Variants in CELF2 observed in about 807,000 individuals in gnomAD.
CELF2 encodes the protein CUG triplet repeat RNA-binding protein 2.
CELF2 carries 8 observed loss-of-function variants against 62.6 expected under a neutral mutation model. The observed-to-expected ratio is 0.13, with a 90% CI of 0.07 to 0.23. The LOEUF is 0.23. CELF2 is among the 10% of genes least tolerant of loss of function. The pLI, the probability that CELF2 is intolerant of heterozygous loss-of-function variation, is 1.00. For synonymous variants in CELF2, 258 were observed against 250.0 expected (o/e 1.03, Z -0.30); for missense variants, 333 against 671.0 (o/e 0.50, Z 5.56).
At chr10:10,862,160 A>G (rs113448606) in intron 1 of CELF2, among the ~76,000 whole-genome samples, 147 of 152,340 alleles carry the variant, frequency 9.6e-4, no homozygotes, top group African/African-American at 3.4e-3. Context: ...TAGAGGCCCT[A>G]ATGTTCATGT....
At position 11,285,165 on chromosome 10, in the gene CELF2, A is replaced by G. The variant is rs761938042; in HGVS notation, c.842-3253A>G. ...GTTGGATGGATGGATGGGCAGATAG[A>G]TGGACGAGCAAATATGGATCCGCCT... On this transcript the variant is annotated intron_variant, in intron 8 of 12. Coordinates refer to ENST00000633077, the MANE Select transcript of CELF2 (RefSeq NM_001326342.2). This position sits in a 1 kb window ranked among gnomAD's most constrained non-coding sequence, Gnocchi z 4.3. Among the ~76,000 whole-genome samples, 4 of 151,962 alleles carry G rather than the reference A, an allele frequency of 2.6e-5. No individual in the cohort carries two copies. Among genetic ancestry groups the G allele is most frequent in the Non-Finnish European group, 5.9e-5 (4 of 67,964 alleles).
At chr10:10,564,641 T>TACACACAC in the CELF2 span, among the ~76,000 whole-genome samples, 64 of 136,244 alleles carry the variant, frequency 4.7e-4, no homozygotes, top group African/African-American at 1.6e-3. Flanking sequence ...GTTAACTGAA[T>TACACACAC]ACACACACAC....
chr10:11,204,090 C>T (rs1389696082), intron 2 of CELF2, among the ~76,000 whole-genome samples: 55 of 152,202 alleles, frequency 3.6e-4, no homozygotes, highest in East Asian at 3.8e-4. Context: ...TTATCCCCTC[C>T]GCTTTCAAAA....
rs985311857 is a variant in CELF2 at position 11,305,441 on chromosome 10, T to C, written c.977-8698T>C. On this transcript the variant is annotated intron_variant, in intron 9 of 12. Coordinates refer to ENST00000633077, the MANE Select transcript of CELF2 (RefSeq NM_001326342.2). The surrounding 1 kb of genome is among the most constrained non-coding windows in gnomAD (Gnocchi z 4.8). ...CACTCTGGGCCTCTGCTTCCTCATC[T>C]TTCAAGCGCAGGAAAGACTCCAGTC... is the stretch of plus-strand genomic sequence containing the variant. Among the ~76,000 whole-genome samples the C allele has an allele frequency of 1.3e-5, 2 of 152,208 alleles. No homozygotes were observed. Among genetic ancestry groups the C allele is most frequent in the Admixed American group, 1.3e-4 (2 of 15,278 alleles).
In CELF2 at chr10:11,296,013, G is replaced by C. The variant is rs4317890; in HGVS notation, c.976+7461G>C. Reference sequence around the variant, plus strand: ...CCAATTTAAAGCTTAATAAAGCTGCGCAGCTTTGGGGGTAGAGATATTTAC... The same window carrying C: ...CCAATTTAAAGCTTAATAAAGCTGCCCAGCTTTGGGGGTAGAGATATTTAC... On this transcript the variant is annotated intron_variant, in intron 9 of 12. Coordinates refer to ENST00000633077, the MANE Select transcript of CELF2 (RefSeq NM_001326342.2). This position sits in a 1 kb window ranked among gnomAD's most constrained non-coding sequence, Gnocchi z 5.0. 1.3e-5 allele frequency among the ~76,000 whole-genome samples: 2 copies of C among 152,210 alleles called. No individual in the cohort carries two copies. The highest frequency in any genetic ancestry group is 3.9e-4 in the East Asian group (2 of 5,174).
the CELF2 span, among the ~76,000 whole-genome samples, chr10:10,702,509 A>T: frequency 1.8e-4 from 28 of 152,348 alleles, no homozygotes; most frequent in African/African-American, 6.5e-4. Context: ...CCTCCCACAA[A>T]TAAACAAGCA....
At chr10:10,590,157 G>GCACGCACACA in the CELF2 span, among the ~76,000 whole-genome samples, 1 of 151,594 alleles carries the variant, frequency 6.6e-6, no homozygotes, top group African/African-American at 2.4e-5. Flanking sequence ...GCACACATGT[G>GCACGCACACA]CATGCACACA....
At chr10:10,495,381 C>T in the CELF2 span, among the ~76,000 whole-genome samples, 2 of 152,182 alleles carry the variant, frequency 1.3e-5, no homozygotes, top group African/African-American at 2.4e-5. Context: ...GTTCTGTGGC[C>T]TTACCATGAT....
Position 10,825,786 on chromosome 10 carries a change from C to G in CELF2, c.53+26969C>G, listed in dbSNP as rs112800894. Among the ~76,000 whole-genome samples, 325 of 152,272 alleles carry G rather than the reference C, an allele frequency of 2.1e-3. 1 individual carries two copies. Among genetic ancestry groups the G allele is most frequent in the African/African-American group, 6.4e-3 (266 of 41,564 alleles). Reference sequence around the variant, plus strand: ...ACTCTGAGTAAATTCCTTTCTCTCCCAAGGCCTCAGTTTCCTTATCTGCAA... The same window carrying G: ...ACTCTGAGTAAATTCCTTTCTCTCCGAAGGCCTCAGTTTCCTTATCTGCAA... On this transcript the variant is annotated intron_variant, in intron 1 of 13. Coordinates refer to the CELF2 transcript ENST00000636488.
At chr10:11,195,851 G>A (rs78605758) in intron 2 of CELF2, among the ~76,000 whole-genome samples, 3,277 of 152,266 alleles carry the variant, frequency 0.022, 110 homozygotes, top group African/African-American at 0.074. Flanking sequence ...CAGCAATGCC[G>A]AAGAGTGGGT....
upstream of CELF2, among the ~76,000 whole-genome samples, chr10:11,000,627 T>C (rs780028664): frequency 6.6e-6 from 1 of 152,182 alleles, no homozygotes; most frequent in African/African-American, 2.4e-5. Flanking sequence ...GCTTCCACAG[T>C]ATGACTGACA....
chr10:10,524,090 G>T, the CELF2 span, among the ~76,000 whole-genome samples: 1 of 152,136 alleles, frequency 6.6e-6, no homozygotes, highest in Non-Finnish European at 1.5e-5. Context: ...CCCCCACTTA[G>T]TAGGAAAGAC....
chr10:11,051,684 A>G (rs756040279), intron 1 of CELF2, among the ~76,000 whole-genome samples: 4 of 152,304 alleles, frequency 2.6e-5, no homozygotes, highest in Middle Eastern at 3.4e-3. Flanking sequence ...CAAAGATACA[A>G]TTACAAGCTA....
intron 9 of CELF2, among the ~76,000 whole-genome samples, chr10:11,294,804 G>A (rs747721160): frequency 1.4e-4 from 21 of 152,196 alleles, no homozygotes; most frequent in African/African-American, 3.6e-4. Context: ...CCAGCTACTC[G>A]GGAGGCTGAG....
intron 1 of CELF2, among the ~76,000 whole-genome samples, chr10:10,859,902 C>A (rs1282328712): frequency 6.6e-6 from 1 of 152,062 alleles, no homozygotes; most frequent in Non-Finnish European, 1.5e-5. Context: ...GTTTTGGTGT[C>A]AATCTTCTTT....
chr10:10,620,942 G>GTT, the CELF2 span, among the ~76,000 whole-genome samples: 2 of 114,916 alleles, frequency 1.7e-5, no homozygotes, highest in Non-Finnish European at 3.8e-5. Flanking sequence ...AAAAAAAAAA[G>GTT]GCGGAGCGCG....
chr10:10,658,374 C>T, the CELF2 span, among the ~76,000 whole-genome samples: 1 of 152,290 alleles, frequency 6.6e-6, no homozygotes, highest in East Asian at 1.9e-4. Context: ...GATTACCTTA[C>T]ATTTCATATC....
chr10:10,556,083 C>T, the CELF2 span, among the ~76,000 whole-genome samples: 7 of 152,104 alleles, frequency 4.6e-5, no homozygotes, highest in Non-Finnish European at 1.0e-4. Flanking sequence ...GCACATTGTG[C>T]AGGTTAGTTA....
chr10:11,210,874 G>A (rs936321477), intron 2 of CELF2, among the ~76,000 whole-genome samples: 1 of 152,220 alleles, frequency 6.6e-6, no homozygotes, highest in African/African-American at 2.4e-5. Flanking sequence ...CGCTTTGCAT[G>A]TATGTATCAC....
Sources: allele counts gnomAD v4.1 joint callset (sites outside exome capture counted in the v4.1 genomes callset), GRCh38; gene constraint gnomAD v4.1.1; non-coding constraint Gnocchi (gnomAD v3.1); transcripts MANE v1.5; gene names NCBI Gene and HGNC (gene_info 2026-07-23, HGNC 2026-07-21).